The following CTNNA3 variants were observed in gnomAD, a reference collection of about 807,000 sequenced individuals.
The protein encoded by CTNNA3 is catenin alpha-3.
Under a neutral mutation model 95.7 loss-of-function variants are expected in CTNNA3, and 76 were observed. That is an observed-to-expected ratio of 0.79 (90% CI 0.66 to 0.96). The LOEUF (loss-of-function observed/expected upper bound fraction) is 0.96. CTNNA3 is among the 40% of genes least tolerant of loss of function. The pLI is 0.00. For synonymous variants in CTNNA3, 431 were observed against 374.4 expected, an observed-to-expected ratio of 1.15 and a Z score of -1.74; for missense variants, 1,191 against 1,089.8, an observed-to-expected ratio of 1.09 and a Z score of -1.31.
intron 1 of CTNNA3, among the ~76,000 whole-genome samples, chr10:67,740,003 G>A (rs968083465): frequency 3.0e-4 from 46 of 152,032 alleles, no homozygotes; most frequent in South Asian, 8.3e-4. Context: ...AAATAACGCC[G>A]CATATCTACA....
intron 13 of CTNNA3, among the ~76,000 whole-genome samples, chr10:66,224,192 A>G (rs1291678350): frequency 1.3e-5 from 2 of 152,098 alleles, no homozygotes; most frequent in African/African-American, 4.8e-5. Flanking sequence ...TCAAACTCCA[A>G]CTGATTTACA....
At chr10:66,378,363 T>A (rs2092810753) in intron 12 of CTNNA3, among the ~76,000 whole-genome samples, 1 of 151,944 alleles carries the variant, frequency 6.6e-6, no homozygotes, top group African/African-American at 2.4e-5. Flanking sequence ...AGATGCACCA[T>A]CACCCTAGTG....
intron 5 of CTNNA3, among the ~76,000 whole-genome samples, chr10:67,477,076 CAG>C (rs1292344252): frequency 6.6e-6 from 1 of 152,222 alleles, no homozygotes; most frequent in African/African-American, 2.4e-5. Flanking sequence ...CCTTCCTGTG[CAG>C]AGACTGTGTG....
chr10:66,048,226 T>C (rs897182415), intron 15 of CTNNA3, among the ~76,000 whole-genome samples: 1 of 152,182 alleles, frequency 6.6e-6, no homozygotes, highest in Non-Finnish European at 1.5e-5. Context: ...CTTCAAACTA[T>C]ACTACAAGGC....
intron 13 of CTNNA3, among the ~76,000 whole-genome samples, chr10:66,160,295 CT>C (rs1378421709): frequency 6.6e-6 from 1 of 151,942 alleles, no homozygotes; most frequent in Admixed American, 6.6e-5. Flanking sequence ...CTCTTTCAGT[CT>C]TTTTGATGTA....
intron 5 of CTNNA3, among the ~76,000 whole-genome samples, chr10:67,513,744 T>C (rs750727186): frequency 2.0e-5 from 3 of 152,208 alleles, no homozygotes; most frequent in Non-Finnish European, 4.4e-5. Context: ...GTCCTGGCTT[T>C]GTTTTAACAT....
At chr10:65,961,165 A>C (rs1470821364) in intron 17 of CTNNA3, among the ~76,000 whole-genome samples, 3 of 152,132 alleles carry the variant, frequency 2.0e-5, no homozygotes, top group Admixed American at 2.0e-4. Flanking sequence ...ACAAACAAAA[A>C]TGCTTTTGGT....
intron 7 of CTNNA3, among the ~76,000 whole-genome samples, chr10:66,931,762 C>A (rs928206176): frequency 2.0e-5 from 3 of 151,924 alleles, no homozygotes; most frequent in Admixed American, 2.0e-4. Context: ...GGAACAGAGG[C>A]CATAGAATTG....
chr10:66,199,898 C>T (rs2087281359), intron 13 of CTNNA3, among the ~76,000 whole-genome samples: 1 of 139,580 alleles, frequency 7.2e-6, no homozygotes, highest in Non-Finnish European at 1.5e-5. Context: ...ATGATCTGCC[C>T]ACCTTGGTCT....
rs1841494396 is a variant in CTNNA3, at chr10:66,803,096, A to G, written c.1048-27572T>C. Among the ~76,000 whole-genome samples, 4 of 152,142 alleles carry G rather than the reference A, an allele frequency of 2.6e-5. No individual in the cohort carries two copies. The South Asian group carries it at 8.3e-4, about 32-fold the overall frequency. The stretch of plus-strand genomic sequence containing the variant: ...AAACTGTAACATTTAAGATCTCTGC[A>G]TTTAATTTAAACATATTTCAATTTC... On this transcript the variant is annotated intron_variant, in intron 7 of 17. Transcript: ENST00000433211.
At chr10:67,659,732 G>T (rs1214028639) in intron 1 of CTNNA3, among the ~76,000 whole-genome samples, 2 of 152,226 alleles carry the variant, frequency 1.3e-5, no homozygotes, top group Non-Finnish European at 2.9e-5. Flanking sequence ...CACTTTGAAA[G>T]TGACAGAGGC....
chr10:67,063,079 T>G (rs1327258421), intron 7 of CTNNA3, among the ~76,000 whole-genome samples: 1 of 152,194 alleles, frequency 6.6e-6, no homozygotes, highest in South Asian at 2.1e-4. Flanking sequence ...GATTTCTATT[T>G]TCCTAACCAA....
intron 7 of CTNNA3, among the ~76,000 whole-genome samples, chr10:67,045,426 G>A (rs1854667954): frequency 6.6e-6 from 1 of 151,956 alleles, no homozygotes; most frequent in South Asian, 2.1e-4. Flanking sequence ...TTTTGTTGTT[G>A]TTGTTTGTTG....
At chr10:66,879,220 C>T (rs988300706) in intron 7 of CTNNA3, among the ~76,000 whole-genome samples, 3 of 152,058 alleles carry the variant, frequency 2.0e-5, no homozygotes, top group Admixed American at 1.3e-4. Flanking sequence ...TGATTTAAAG[C>T]ATAATACAGC....
In CTNNA3 at chr10:66,693,601, C is replaced by T. The variant is rs561574354; in HGVS notation, c.1282-71817G>A. On this transcript the variant is annotated intron_variant, in intron 9 of 17. Transcript: ENST00000433211. ...CCCAGGAATTGAACTCAGTTCTGCACCAAGCGGACCTAATAGACATCTACA... is the reference window on the plus strand; with the variant it reads ...CCCAGGAATTGAACTCAGTTCTGCATCAAGCGGACCTAATAGACATCTACA... Among the ~76,000 whole-genome samples the T allele has an allele frequency of 2.8e-3, 428 of 151,946 alleles. 4 individuals carry two copies. The highest frequency in any genetic ancestry group is 9.5e-3 in the African/African-American group (394 of 41,398).
intron 15 of CTNNA3, among the ~76,000 whole-genome samples, chr10:66,038,734 C>T (rs1339359550): frequency 6.6e-6 from 1 of 151,992 alleles, no homozygotes; most frequent in Non-Finnish European, 1.5e-5. Context: ...GAGAAGTTTC[C>T]CTGGATACCT....
rs114075230 is a variant in CTNNA3 at position 67,163,880 on chromosome 10, T to C, written c.1047+16437A>G. Among the ~76,000 whole-genome samples the C allele has an allele frequency of 3.8e-3, 583 of 152,072 alleles. 4 individuals carry two copies. The highest frequency in any genetic ancestry group is 0.014 in the African/African-American group (569 of 41,546). ...TTAAAATTAAAAATATAATAACATTTATAATACCTGAAAAATGAAACAATT... is the reference window on the plus strand; with the variant it reads ...TTAAAATTAAAAATATAATAACATTCATAATACCTGAAAAATGAAACAATT... On this transcript the variant is annotated intron_variant, in intron 7 of 17. Transcript: ENST00000433211.
chr10:66,734,907 G>T (rs1011474394), intron 9 of CTNNA3, among the ~76,000 whole-genome samples: 1 of 150,990 alleles, frequency 6.6e-6, no homozygotes, highest in African/African-American at 2.4e-5. Flanking sequence ...ATTACATTAC[G>T]GAATCTTTTT....
At chr10:67,398,506 A>G (rs1037832221) in intron 5 of CTNNA3, among the ~76,000 whole-genome samples, 1 of 152,170 alleles carries the variant, frequency 6.6e-6, no homozygotes, top group African/African-American at 2.4e-5. Context: ...GACTTGCCTT[A>G]TCTCAGATGA....
Sources: allele counts gnomAD v4.1 joint callset (sites outside exome capture counted in the v4.1 genomes callset), GRCh38; gene constraint gnomAD v4.1.1; transcripts MANE v1.5; gene names NCBI Gene and HGNC (gene_info 2026-07-23, HGNC 2026-07-21).